SRGAP2: variants seen among roughly 807,000 people sequenced by gnomAD.
SRGAP2 encodes SLIT-ROBO Rho GTPase activating protein 2.
A neutral mutation model predicts 57.2 loss-of-function variants in SRGAP2; 15 were observed. The observed-to-expected ratio is 0.26, with a 90% confidence interval of 0.18 to 0.40. SRGAP2 has a LOEUF of 0.40. SRGAP2 is among the 10% of genes least tolerant of loss of function. The pLI, the probability that SRGAP2 is intolerant of heterozygous loss-of-function variation, is 1.00. For missense variants in SRGAP2, 520 were observed against 669.6 expected, an observed-to-expected ratio of 0.78 and a Z score of 2.47; for synonymous variants, 249 against 248.0, an observed-to-expected ratio of 1.00 and a Z score of -0.04.
chr1:206,431,942 G>A (rs1661310356), intron 14 of SRGAP2, among the ~76,000 whole-genome samples: 1 of 152,248 alleles, frequency 6.6e-6, no homozygotes, highest in African/African-American at 2.4e-5. Context: ...AGCTGGAGCA[G>A]AGCAAATGAA....
chr1:206,291,558 G>A (rs1202195943), intron 2 of SRGAP2, among the ~76,000 whole-genome samples: 17 of 151,608 alleles, frequency 1.1e-4, no homozygotes, highest in Admixed American at 1.3e-4. Context: ...TTCTGAATGC[G>A]GTCTATCCTC....
chr1:206,418,934 GTGTA>G (rs1340205014), intron 11 of SRGAP2, among the ~76,000 whole-genome samples: 216 of 141,506 alleles, frequency 1.5e-3, no homozygotes, highest in South Asian at 7.5e-3. Flanking sequence ...GTGTGTGTGT[GTGTA>G]TACTCAGGAG....
chr1:206,420,831 G>T (rs1660238149), intron 12 of SRGAP2, among the ~76,000 whole-genome samples: 1 of 152,120 alleles, frequency 6.6e-6, no homozygotes, highest in South Asian at 2.1e-4. Context: ...CGATCTTTAA[G>T]GATTTCCTAG....
intron 2 of SRGAP2, among the ~76,000 whole-genome samples, chr1:206,256,814 A>G (rs1669213052): frequency 6.6e-6 from 1 of 152,234 alleles, no homozygotes; most frequent in Non-Finnish European, 1.5e-5. Flanking sequence ...AAGAAAAGAA[A>G]GGAAGAGTGT....
intron 14 of SRGAP2, among the ~76,000 whole-genome samples, chr1:206,433,784 A>G (rs1661483464): frequency 6.6e-6 from 1 of 152,234 alleles, no homozygotes. Flanking sequence ...TAACCTAAGT[A>G]ATTTGTCTTG....
chr1:206,419,291 C>T, intron 11 of SRGAP2, 82 bp from the exon 12 acceptor site: 1 of 768,128 alleles, frequency 1.3e-6, no homozygotes, highest in South Asian at 1.4e-5. Flanking sequence ...GGGAGATAGG[C>T]ATGGTAGTTA....
chr1:206,239,597 AC>A (rs1432377863), intron 2 of SRGAP2, among the ~76,000 whole-genome samples: 1 of 150,318 alleles, frequency 6.7e-6, no homozygotes, highest in Non-Finnish European at 1.5e-5. Context: ...AGCTGGGACT[AC>A]AGGCATGCGC....
chr1:206,402,384 G>C (rs1297512582), intron 8 of SRGAP2, among the ~76,000 whole-genome samples: 1 of 152,170 alleles, frequency 6.6e-6, no homozygotes, highest in Non-Finnish European at 1.5e-5. Context: ...TGAGAGGCAG[G>C]AGAAGCTCCT....
intron 2 of SRGAP2, among the ~76,000 whole-genome samples, chr1:206,230,629 A>ATT (rs782803531): frequency 2.8e-5 from 4 of 143,926 alleles, no homozygotes; most frequent in African/African-American, 5.2e-5. Context: ...ATGGAGCTGT[A>ATT]TTTTTTTTTT....
At chr1:206,318,165 AAATTCTTTGAATTTATAGGCAGC>A in intron 3 of SRGAP2, among the ~76,000 whole-genome samples, 1 of 148,006 alleles carries the variant, frequency 6.8e-6, no homozygotes, top group East Asian at 2.0e-4. Flanking sequence ...TTGATGCTTG[AAATTCTTTGAATTTATAGGCAGC>A]ATCTCAGGGA....
rs1222866406 is a variant in SRGAP2 at position 206,462,922 on chromosome 1, G to A, written c.*1502G>A. The A allele has an allele frequency of 2.0e-5, 3 of 152,156 alleles. No homozygotes were observed. Among genetic ancestry groups the A allele is most frequent in the African/African-American group, 4.8e-5 (2 of 41,416 alleles). 9.4% of individuals were successfully genotyped at this position (152,156 alleles called of 1,614,324 possible). On this transcript the variant is annotated 3_prime_UTR_variant, in exon 23 of 23. Transcript: ENST00000573034. The stretch of plus-strand genomic sequence containing the variant: ...GACACATCCACAGCCAGGCTCATGG[G>A]TCTCAGACAGCAACTTGAGTTAAAG...
At chr1:206,268,611 C>G (rs1198731318) in intron 2 of SRGAP2, among the ~76,000 whole-genome samples, 1 of 150,502 alleles carries the variant, frequency 6.6e-6, no homozygotes, top group Non-Finnish European at 1.5e-5. Context: ...CAGACTGTCA[C>G]AAAGTTAATA....
At chr1:206,307,620 G>C (rs1186984606) in intron 3 of SRGAP2, among the ~76,000 whole-genome samples, 2 of 152,268 alleles carry the variant, frequency 1.3e-5, no homozygotes, top group Non-Finnish European at 2.9e-5. Flanking sequence ...CTAAGGCCCA[G>C]TGAGAAATCG....
intron 13 of SRGAP2, among the ~76,000 whole-genome samples, chr1:206,427,252 T>G (rs1472307367): frequency 6.6e-6 from 1 of 152,130 alleles, no homozygotes; most frequent in Non-Finnish European, 1.5e-5. Context: ...CAGATTGAGC[T>G]TTTCTGGCAT....
chr1:206,230,659 C>T (rs1667576002), intron 2 of SRGAP2, among the ~76,000 whole-genome samples: 1 of 148,862 alleles, frequency 6.7e-6, no homozygotes, highest in Non-Finnish European at 1.5e-5. Context: ...CGGAGTCTCG[C>T]TCTGTCGCCC....
At chr1:206,389,707 T>C (rs1259871199) in intron 5 of SRGAP2, among the ~76,000 whole-genome samples, 1 of 150,852 alleles carries the variant, frequency 6.6e-6, no homozygotes, top group Non-Finnish European at 1.5e-5. Context: ...TTTTAGAACC[T>C]TTTTTTTCCT....
intron 3 of SRGAP2, among the ~76,000 whole-genome samples, chr1:206,342,276 C>G (rs201360180): frequency 2.6e-5 from 4 of 152,332 alleles, no homozygotes; most frequent in East Asian, 1.9e-4. Context: ...TGATTTTTGT[C>G]TCTAGACAAA....
At chr1:206,427,495 C>T (rs1660901699) in intron 13 of SRGAP2, among the ~76,000 whole-genome samples, 1 of 152,186 alleles carries the variant, frequency 6.6e-6, no homozygotes, top group Admixed American at 6.5e-5. Context: ...TACAGTACTC[C>T]CTTTGGCATC....
chr1:206,459,680 G>A (rs1664107333), intron 22 of SRGAP2, among the ~76,000 whole-genome samples: 2 of 152,182 alleles, frequency 1.3e-5, no homozygotes, highest in African/African-American at 4.8e-5. Context: ...ATTAGACCAG[G>A]TAGGAACTAA....
Sources: gnomAD v4.1 joint callset for allele counts (sites outside exome capture counted in the v4.1 genomes callset) on GRCh38, gnomAD v4.1.1 for gene constraint, MANE v1.5 for transcripts, NCBI Gene and HGNC (gene_info 2026-07-23, HGNC 2026-07-21) for gene names.